The following GRIK4 variants were observed in gnomAD, a reference collection of about 807,000 sequenced individuals.
GRIK4 encodes glutamate ionotropic receptor kainate type subunit 4.
A neutral mutation model predicts 104.9 loss-of-function variants in GRIK4; 40 were observed. The ratio of observed to expected loss-of-function variants is 0.38; its 90% CI spans 0.30 to 0.50. The LOEUF is 0.50. Ranked by LOEUF, GRIK4 falls within the 20% of genes least tolerant of loss-of-function variation. GRIK4 has a pLI of 0.93. For missense variants in GRIK4, 1,047 were observed against 1,308.1 expected (o/e 0.80, Z 3.08); for synonymous variants, 485 against 524.9 (o/e 0.92, Z 1.04).
intron 3 of GRIK4, among the ~76,000 whole-genome samples, chr11:120,731,537 T>C (rs1005570345): frequency 1.3e-5 from 2 of 152,174 alleles, no homozygotes; most frequent in African/African-American, 4.8e-5. Context: ...CTATTTTTGA[T>C]ATGTCTTTGT....
chr11:120,927,565 C>CAAA (rs56223442), intron 13 of GRIK4, among the ~76,000 whole-genome samples: 9 of 101,576 alleles, frequency 8.9e-5, no homozygotes, highest in Admixed American at 1.2e-4. Flanking sequence ...GACTCTGTCT[C>CAAA]AAAAAAAAAA....
At chr11:120,804,381 G>C (rs779829198) in intron 4 of GRIK4, among the ~76,000 whole-genome samples, 11 of 152,170 alleles carry the variant, frequency 7.2e-5, no homozygotes, top group Non-Finnish European at 1.2e-4. Flanking sequence ...CATCACATGT[G>C]GGGTGTCGTG....
intron 18 of GRIK4, among the ~76,000 whole-genome samples, chr11:120,963,748 C>T (rs1242284796): frequency 6.6e-6 from 1 of 152,166 alleles, no homozygotes; most frequent in Non-Finnish European, 1.5e-5. Flanking sequence ...GGGAGTCAGG[C>T]AGACCCCGGG....
At chr11:120,712,890 AT>A (rs1950763947) in intron 3 of GRIK4, among the ~76,000 whole-genome samples, 1 of 151,954 alleles carries the variant, frequency 6.6e-6, no homozygotes, top group Non-Finnish European at 1.5e-5. Flanking sequence ...TTCTTATGTG[AT>A]TTGATTTTTA....
At chr11:120,839,593 C>G (rs1953665155) in intron 8 of GRIK4, among the ~76,000 whole-genome samples, 1 of 152,174 alleles carries the variant, frequency 6.6e-6, no homozygotes, top group South Asian at 2.1e-4. Context: ...ATTTTGCTCC[C>G]CAGCCATGCA....
rs1373228865 is a variant in GRIK4 at position 120,985,995 on chromosome 11, C to G, written c.2606C>G (p.Pro869Arg). ...CCCCGCCGGCGGCGCGCCGCAGTCC[C>G]GCCGCCCCGGCCCCCCATCCCCGAG... is the stretch of plus-strand genomic sequence containing the variant. The part of the protein sequence containing the change: ...IHPRRRRAAV[P>R]PPRPPIPEER... Residue 869 changes from proline to arginine, a missense_variant, in exon 21 of 21, where the codon CCG becomes CGG. Around this residue, in one of 3 missense-constraint regions of GRIK4, gnomAD observed 160 missense variants for 140.9 expected, o/e 1.14. Coordinates refer to ENST00000527524, the MANE Select transcript of GRIK4 (RefSeq NM_014619.5). 1 of 1,531,178 alleles carries G rather than the reference C, an allele frequency of 6.5e-7. No homozygotes were observed. The highest frequency in any genetic ancestry group is 8.8e-7 in the Non-Finnish European group (1 of 1,139,524). The allele number at this position is 1,531,178 out of a possible 1,614,324, so 94.8% of individuals were successfully genotyped here. A position where few individuals can be genotyped will look rare whatever the true frequency, so the allele number is the denominator to read the frequency against.
In GRIK4 at chr11:120,986,410, C is replaced by T. The variant is rs1944755153; in HGVS notation, c.*150C>T. 8 of 1,102,954 alleles carry T rather than the reference C, an allele frequency of 7.3e-6. No homozygotes were observed. The East Asian group carries it at 2.6e-4, about 35-fold the overall frequency. The allele number at this position is 1,102,954 out of a possible 1,614,324, so 68.3% of individuals were successfully genotyped here. ...TCACTTTTCAAAAAGATCAAGGAGC[C>T]TGACGCCCCAGCCAGAGACCGCGCC... On this transcript the variant is annotated 3_prime_UTR_variant, in exon 21 of 21. Coordinates refer to ENST00000527524, the MANE Select transcript of GRIK4 (RefSeq NM_014619.5).
At chr11:120,867,004 G>T (rs73007807) in intron 9 of GRIK4, among the ~76,000 whole-genome samples, 1 of 152,098 alleles carries the variant, frequency 6.6e-6, no homozygotes, top group African/African-American at 2.4e-5. Context: ...GGAAACTGAG[G>T]CACGGACGTG....
At chr11:120,806,727 A>T (rs1051815940) in intron 4 of GRIK4, among the ~76,000 whole-genome samples, 18 of 152,230 alleles carry the variant, frequency 1.2e-4, no homozygotes, top group Non-Finnish European at 1.9e-4. Flanking sequence ...TCAGGGTGGG[A>T]GAGTCAGTTG....
intron 3 of GRIK4, among the ~76,000 whole-genome samples, chr11:120,762,978 T>A (rs1951774816): frequency 6.6e-6 from 1 of 151,868 alleles, no homozygotes; most frequent in Non-Finnish European, 1.5e-5. Context: ...TAGGGAGGAG[T>A]CCCCCTTTTT....
intron 1 of GRIK4, among the ~76,000 whole-genome samples, chr11:120,589,050 A>G (rs1948704454): frequency 6.6e-6 from 1 of 152,236 alleles, no homozygotes; most frequent in African/African-American, 2.4e-5. Flanking sequence ...GGACACTGCC[A>G]GGAAGTTTTG....
At chr11:120,574,163 C>A (rs564096378) in intron 1 of GRIK4, among the ~76,000 whole-genome samples, 1 of 152,172 alleles carries the variant, frequency 6.6e-6, no homozygotes, top group African/African-American at 2.4e-5. Context: ...GTGCCAGGTG[C>A]GTGGTGGGGC....
intron 1 of GRIK4, among the ~76,000 whole-genome samples, chr11:120,607,319 A>G (rs1408939047): frequency 1.3e-5 from 2 of 152,218 alleles, no homozygotes; most frequent in East Asian, 1.9e-4. Flanking sequence ...GGAATCAGCA[A>G]TGGCACAGTG....
intron 3 of GRIK4, among the ~76,000 whole-genome samples, chr11:120,661,666 G>C (rs976199200): frequency 6.6e-6 from 1 of 152,162 alleles, no homozygotes; most frequent in Admixed American, 6.5e-5. Flanking sequence ...GCTAGGCCAG[G>C]GGTCACAGGC....
intron 13 of GRIK4, among the ~76,000 whole-genome samples, chr11:120,919,419 T>G (rs1202600314): frequency 1.3e-5 from 2 of 152,284 alleles, no homozygotes; most frequent in East Asian, 1.9e-4. Context: ...GTGTAAACTT[T>G]AGAGCAGCGG....
At chr11:120,578,541 G>A (rs1398709113) in intron 1 of GRIK4, among the ~76,000 whole-genome samples, 1 of 152,164 alleles carries the variant, frequency 6.6e-6, no homozygotes. Context: ...GAACATACAG[G>A]GCATCCAGTA....
chr11:120,810,759 T>G (rs548482095), intron 4 of GRIK4, among the ~76,000 whole-genome samples: 1 of 152,314 alleles, frequency 6.6e-6, no homozygotes, highest in Non-Finnish European at 1.5e-5. Flanking sequence ...CATTAATGTA[T>G]TAAATAGCAT....
chr11:120,787,766 T>C (rs995916791), intron 3 of GRIK4, among the ~76,000 whole-genome samples: 6 of 151,686 alleles, frequency 4.0e-5, no homozygotes, highest in Non-Finnish European at 7.4e-5. Context: ...CCTGGCCTCT[T>C]TGGATGTTTT....
intron 8 of GRIK4, among the ~76,000 whole-genome samples, chr11:120,849,594 T>C (rs1953930373): frequency 6.6e-6 from 1 of 152,224 alleles, no homozygotes; most frequent in African/African-American, 2.4e-5. Flanking sequence ...CACCTTCTAC[T>C]CAAGATCTTT....
Sources: allele counts gnomAD v4.1 joint callset (sites outside exome capture counted in the v4.1 genomes callset), GRCh38; gene constraint gnomAD v4.1.1; regional missense constraint gnomAD v4.1.1; transcripts MANE v1.5; gene names NCBI Gene and HGNC (gene_info 2026-07-23, HGNC 2026-07-21).